The following CMSS1 variants were observed in gnomAD, a reference collection of about 807,000 sequenced individuals.
The protein encoded by CMSS1 is protein CMSS1.
In CMSS1, 33 loss-of-function variants were observed where a neutral mutation model predicts 43.5. The observed-to-expected ratio is 0.76, with a 90% CI of 0.57 to 1.01. The LOEUF (loss-of-function observed/expected upper bound fraction) is 1.01, where lower values mean the gene tolerates loss of function less well. CMSS1 is among the 50% of genes least tolerant of loss of function. The probability of loss-of-function intolerance (pLI) is 0.00; values close to 1 mark genes in which losing one functional copy is unlikely to be tolerated. For synonymous variants in CMSS1, 115 were observed against 117.2 expected, an observed-to-expected ratio of 0.98 and a Z score of 0.12; for missense variants, 313 against 326.4, an observed-to-expected ratio of 0.96 and a Z score of 0.32.
At chr3:100,177,729 C>T (rs1401405314) in intron 9 of CMSS1, among the ~76,000 whole-genome samples, 1 of 152,192 alleles carries the variant, frequency 6.6e-6, no homozygotes, top group East Asian at 1.9e-4. Context: ...CACCTGTAAT[C>T]CTAGTGCTTT....
chr3:99,847,684 A>G (rs1455394972), intron 1 of CMSS1, among the ~76,000 whole-genome samples: 1 of 152,228 alleles, frequency 6.6e-6, no homozygotes, highest in Non-Finnish European at 1.5e-5. Context: ...TATCCCAAGC[A>G]TGAAGTTATG....
intron 1 of CMSS1, among the ~76,000 whole-genome samples, chr3:100,017,658 C>T (rs955409914): frequency 7.2e-5 from 11 of 152,154 alleles, no homozygotes; most frequent in African/African-American, 2.7e-4. Context: ...GATGTGGTGG[C>T]ATGCACCTGT....
chr3:99,870,456 A>G (rs905099343), intron 1 of CMSS1, among the ~76,000 whole-genome samples: 1 of 152,168 alleles, frequency 6.6e-6, no homozygotes, highest in Non-Finnish European at 1.5e-5. Context: ...TCATTGCATT[A>G]CCAGTCAATT....
intron 1 of CMSS1, among the ~76,000 whole-genome samples, chr3:100,079,554 TA>T (rs1486944209): frequency 9.8e-5 from 15 of 152,360 alleles, no homozygotes; most frequent in African/African-American, 3.6e-4. Flanking sequence ...GTAGATTTTT[TA>T]TTTTTGAATA....
chr3:100,036,139 G>A (rs1576659802), intron 1 of CMSS1, among the ~76,000 whole-genome samples: 1 of 152,132 alleles, frequency 6.6e-6, no homozygotes, highest in Non-Finnish European at 1.5e-5. Flanking sequence ...TCCACTTTTA[G>A]GAAGGTCTTC....
At chr3:99,930,106 G>T in intron 1 of CMSS1, 3 of 1,226,264 alleles carry the variant, frequency 2.4e-6, no homozygotes, top group Non-Finnish European at 3.4e-6. Flanking sequence ...GTGATAGTTG[G>T]CAGTGCTTTT....
At chr3:99,943,837 C>T (rs748007519) in intron 1 of CMSS1, among the ~76,000 whole-genome samples, 18 of 152,166 alleles carry the variant, frequency 1.2e-4, no homozygotes, top group Non-Finnish European at 2.4e-4. Context: ...TCGGCCTGGC[C>T]GAGTTATAAT....
In CMSS1 at chr3:99,967,816, T is replaced by A. The variant is rs185072171; in HGVS notation, c.64+149773T>A. ...ACCAATACTCCTTGAGTGCCTTTTA[T>A]ATACATGATTTTGAGTGATGTGGAG... is the stretch of plus-strand genomic sequence containing the variant. On this transcript the variant is annotated intron_variant, in intron 1 of 9. Coordinates refer to ENST00000421999, the MANE Select transcript of CMSS1 (RefSeq NM_032359.4). Among the ~76,000 whole-genome samples, 623 of 152,330 alleles carry A rather than the reference T, an allele frequency of 4.1e-3. 5 individuals carry two copies. The highest frequency in any genetic ancestry group is 7.3e-3 in the Non-Finnish European group (496 of 68,026).
At chr3:100,171,053 C>G (rs866564015) in intron 6 of CMSS1, among the ~76,000 whole-genome samples, 5 of 152,202 alleles carry the variant, frequency 3.3e-5, no homozygotes, top group South Asian at 4.1e-4. Context: ...ACTAGTTGAC[C>G]CCTTTACGGG....
intron 1 of CMSS1, among the ~76,000 whole-genome samples, chr3:100,105,325 G>A (rs1020444536): frequency 6.6e-6 from 1 of 152,162 alleles, no homozygotes; most frequent in Admixed American, 6.6e-5. Context: ...GGAAAGACAT[G>A]AGCAATAGGA....
intron 1 of CMSS1, among the ~76,000 whole-genome samples, chr3:100,061,384 G>C (rs546038175): frequency 6.6e-5 from 10 of 152,286 alleles, no homozygotes; most frequent in African/African-American, 2.2e-4. Flanking sequence ...TTTGCTTAGA[G>C]ATTAAAACTT....
intron 1 of CMSS1, among the ~76,000 whole-genome samples, chr3:100,034,462 G>C (rs2065073513): frequency 6.6e-6 from 1 of 152,148 alleles, no homozygotes; most frequent in Admixed American, 6.5e-5. Context: ...TGCACTTTTT[G>C]AATCAACATT....
chr3:100,168,526 T>G (rs915796244), intron 6 of CMSS1, among the ~76,000 whole-genome samples: 3 of 152,008 alleles, frequency 2.0e-5, no homozygotes, highest in Non-Finnish European at 4.4e-5. Flanking sequence ...AGACCCCATC[T>G]CCATTATAAA....
chr3:99,864,871 T>C (rs1028718695), intron 1 of CMSS1, among the ~76,000 whole-genome samples: 1 of 152,176 alleles, frequency 6.6e-6, no homozygotes, highest in African/African-American at 2.4e-5. Flanking sequence ...TCTCTCCTAC[T>C]AGAATGTAAA....
chr3:100,026,288 G>GT (rs905686108), intron 1 of CMSS1, among the ~76,000 whole-genome samples: 24 of 152,240 alleles, frequency 1.6e-4, no homozygotes, highest in African/African-American at 4.3e-4. Context: ...GCTGCCATGA[G>GT]TATATGGTAG....
intron 1 of CMSS1, among the ~76,000 whole-genome samples, chr3:99,895,716 C>A (rs1484595388): frequency 1.3e-5 from 2 of 152,180 alleles, no homozygotes; most frequent in Non-Finnish European, 2.9e-5. Flanking sequence ...TCCTTAATCT[C>A]CTTCATCTTT....
chr3:99,851,135 A>G, intron 1 of CMSS1: 1 of 1,252,496 alleles, frequency 8.0e-7, no homozygotes, highest in East Asian at 2.4e-5. Context: ...AATGTACTTA[A>G]ATATATATGT....
intron 1 of CMSS1, among the ~76,000 whole-genome samples, chr3:99,892,627 C>G (rs1461374377): frequency 6.6e-6 from 1 of 152,168 alleles, no homozygotes; most frequent in Non-Finnish European, 1.5e-5. Context: ...TCATCCAAAC[C>G]TGCAACACCC....
intron 1 of CMSS1, among the ~76,000 whole-genome samples, chr3:100,117,854 CATATATATAT>C (rs58609128): frequency 3.3e-5 from 3 of 90,748 alleles, no homozygotes; most frequent in Non-Finnish European, 6.1e-5. Context: ...TATATATATA[CATATATATAT>C]ATATATATAT....
Sources: allele counts gnomAD v4.1 joint callset (sites outside exome capture counted in the v4.1 genomes callset), GRCh38; gene constraint gnomAD v4.1.1; transcripts MANE v1.5; gene names NCBI Gene and HGNC (gene_info 2026-07-23, HGNC 2026-07-21).